The following SRPK1 variants were observed in gnomAD, a reference collection of about 807,000 sequenced individuals.
SRPK1 encodes SRSF protein kinase 1.
A neutral mutation model predicts 89.5 loss-of-function variants in SRPK1; 52 were observed. That is an observed-to-expected ratio of 0.58 (90% CI 0.46 to 0.73). The LOEUF (loss-of-function observed/expected upper bound fraction) is 0.73, where lower values mean the gene tolerates loss of function less well. Among genes scored for constraint, SRPK1 ranks in the 30% least tolerant of loss-of-function variants. SRPK1 has a pLI of 0.00. For missense variants in SRPK1, 603 were observed against 780.6 expected, an observed-to-expected ratio of 0.77 and a Z score of 2.71; for synonymous variants, 255 against 270.2, an observed-to-expected ratio of 0.94 and a Z score of 0.55.
intron 12 of SRPK1, among the ~76,000 whole-genome samples, chr6:35,865,024 T>TC (rs1769864135): frequency 6.6e-6 from 1 of 152,130 alleles, no homozygotes; most frequent in African/African-American, 2.4e-5. Context: ...GAAGGATGGT[T>TC]ACCAGAGGCT....
At chr6:35,900,051 T>C (rs1039660706) in intron 2 of SRPK1, among the ~76,000 whole-genome samples, 7 of 151,672 alleles carry the variant, frequency 4.6e-5, no homozygotes, top group Non-Finnish European at 1.0e-4. Context: ...AAAGATTCCT[T>C]TGGTAAGGTT....
chr6:35,856,466 G>T (rs1769668668), intron 13 of SRPK1, among the ~76,000 whole-genome samples: 1 of 152,186 alleles, frequency 6.6e-6, no homozygotes, highest in African/African-American at 2.4e-5. Flanking sequence ...AGTGTCTGAA[G>T]TGAGGGCAAT....
rs1480825133 is a variant in SRPK1 at position 35,888,840 on chromosome 6, T to C, written c.277A>G (p.Thr93Ala). 4 of 1,611,872 alleles carry C rather than the reference T, an allele frequency of 2.5e-6. No homozygotes were observed. The highest frequency in any genetic ancestry group is 3.4e-6 in the Non-Finnish European group (4 of 1,178,166). ...IRKLGWGHFS[T>A]VWLSWDIQGK... is the part of the protein sequence containing the mutation. ...TGAATATCCCATGATAACCATACTG[T>C]TGAAAAGTGTCCCCAGCCTAACTTT... The change falls in exon 4 of 16, where the codon ACA becomes GCA. Residue 93 changes from threonine to alanine, a missense_variant. By Grantham distance (58) the Thr-to-Ala change is moderately conservative. Coordinates refer to ENST00000373825, the MANE Select transcript of SRPK1 (RefSeq NM_003137.5).
At chr6:35,882,074 T>C (rs1436440989) in intron 6 of SRPK1, among the ~76,000 whole-genome samples, 1 of 148,816 alleles carries the variant, frequency 6.7e-6, no homozygotes, top group African/African-American at 2.5e-5. Context: ...GTAGTAGCAG[T>C]AGTAGTAGTA....
At chr6:35,898,408 T>G (rs1045201670) in intron 2 of SRPK1, among the ~76,000 whole-genome samples, 1 of 152,156 alleles carries the variant, frequency 6.6e-6, no homozygotes, top group African/African-American at 2.4e-5. Context: ...GATAAAAGAC[T>G]AGATATTGCG....
chr6:35,854,906 T>C (rs1769635315), intron 13 of SRPK1, among the ~76,000 whole-genome samples: 1 of 152,140 alleles, frequency 6.6e-6, no homozygotes, highest in Non-Finnish European at 1.5e-5. Flanking sequence ...AAGCAAAGCT[T>C]TAAAGTGTGG....
In SRPK1 at chr6:35,833,508, G is replaced by C. The variant is rs552085915; in HGVS notation, c.*1796C>G. On this transcript the variant is annotated 3_prime_UTR_variant, in exon 16 of 16. Transcript: ENST00000373825. Reference sequence around the variant, plus strand: ...TAAAAACAGCTGAAAACCCAAAGTGGATTAGAATTGCTGAAGGATTTCCCT... The same window carrying C: ...TAAAAACAGCTGAAAACCCAAAGTGCATTAGAATTGCTGAAGGATTTCCCT... 3.3e-5 allele frequency: 5 copies of C among 152,578 alleles called. No individual in the cohort carries two copies. Among genetic ancestry groups the C allele is most frequent in the Non-Finnish European group, 7.4e-5 (5 of 68,020 alleles). The allele number at this position is 152,578 out of a possible 1,614,324, so 9.5% of individuals were successfully genotyped here.
At chr6:35,859,283 A>G (rs1036332739) in intron 12 of SRPK1, among the ~76,000 whole-genome samples, 1 of 152,228 alleles carries the variant, frequency 6.6e-6, no homozygotes, top group African/African-American at 2.4e-5. Flanking sequence ...TATAAAGGTA[A>G]ATACTGTTAA....
chr6:35,873,624 G>A (rs1770085368), intron 7 of SRPK1, among the ~76,000 whole-genome samples: 2 of 151,658 alleles, frequency 1.3e-5, no homozygotes, highest in South Asian at 2.1e-4. Flanking sequence ...CGAGTAGCTG[G>A]GATTATAGGC....
chr6:35,910,925 A>T (rs1770946763), intron 2 of SRPK1, among the ~76,000 whole-genome samples: 1 of 152,214 alleles, frequency 6.6e-6, no homozygotes, highest in South Asian at 2.1e-4. Context: ...ATTCCTTTGA[A>T]AATATTACTG....
At chr6:35,838,192 T>C (rs2151077348) in intron 15 of SRPK1, 145 bp downstream of exon 15, 1 of 618,326 alleles carries the variant, frequency 1.6e-6, no homozygotes, top group East Asian at 3.4e-5. Context: ...GACCACTTTT[T>C]TTACCTCTTT....
chr6:35,872,652 A>G lies in SRPK1; in HGVS notation c.662T>C (p.Leu221Ser). The G allele has an allele frequency of 6.2e-7, 1 of 1,612,686 alleles. No individual in the cohort carries two copies. Among genetic ancestry groups the G allele is most frequent in the Non-Finnish European group, 8.5e-7 (1 of 1,179,354 alleles). The part of the protein sequence containing the change: ...HTDIKPENIL[L>S]SVNEQYIRRL... Reference sequence around the variant, plus strand: ...CCGAATGTACTGCTCATTCACTGACAATAAGATGTTCTCTGGTTTAATGTC... The same window carrying G: ...CCGAATGTACTGCTCATTCACTGACGATAAGATGTTCTCTGGTTTAATGTC... Residue 221 changes from leucine (L) to serine (S), a missense_variant, in exon 8 of 16, where the codon TTG (leucine) becomes TCG (serine). Transcript: ENST00000373825.
At chr6:35,900,468 A>G (rs1770717744) in intron 2 of SRPK1, among the ~76,000 whole-genome samples, 1 of 152,332 alleles carries the variant, frequency 6.6e-6, no homozygotes. Context: ...GTGAGCAAGT[A>G]TAGGGTCCCT....
intron 7 of SRPK1, among the ~76,000 whole-genome samples, 185 bp downstream of exon 7, chr6:35,874,048 T>G (rs1238871262): frequency 7.0e-6 from 1 of 143,500 alleles, no homozygotes; most frequent in African/African-American, 2.6e-5. Context: ...AGGATGGTCT[T>G]GATCTCCTGA....
At chr6:35,849,573 T>A (rs1234533731) in intron 13 of SRPK1, among the ~76,000 whole-genome samples, 1 of 152,210 alleles carries the variant, frequency 6.6e-6, no homozygotes, top group African/African-American at 2.4e-5. Context: ...AATAGCCAAG[T>A]TATGGAATCA....
chr6:35,843,099 GCTGGGACTA>G (rs1769348453), intron 13 of SRPK1, among the ~76,000 whole-genome samples: 2 of 151,720 alleles, frequency 1.3e-5, no homozygotes, highest in Non-Finnish European at 2.9e-5. Flanking sequence ...CTCCCGAGTA[GCTGGGACTA>G]CAGGTGCCCA....
At chr6:35,856,340 C>A (rs116918688) in intron 13 of SRPK1, among the ~76,000 whole-genome samples, 4,966 of 151,814 alleles carry the variant, frequency 0.033, 96 homozygotes, top group Middle Eastern at 0.065. Flanking sequence ...GATTTGTATT[C>A]TTTATAATAA....
Position 35,835,384 on chromosome 6 carries a change from A to G in SRPK1, c.1888T>C (p.Leu630=), listed in dbSNP as rs774107188. Residue 630 remains leucine (L), a synonymous_variant, in exon 16 of 16, where the codon TTA becomes CTA. Coordinates refer to ENST00000373825, the MANE Select transcript of SRPK1 (RefSeq NM_003137.5). ...GGGATCAGCTCCAACATGGGCAGTAAGAAATCTGTGAAGCCAGCTGCCTCT... is the reference window on the plus strand; with the variant it reads ...GGGATCAGCTCCAACATGGGCAGTAGGAAATCTGTGAAGCCAGCTGCCTCT... ...QEEAAGFTDF[L]LPMLELIPEK... 2.2e-5 allele frequency: 35 copies of G among 1,613,764 alleles called. No homozygotes were observed. The highest frequency in any genetic ancestry group is 2.9e-5 in the Non-Finnish European group (34 of 1,179,854).
chr6:35,861,886 T>G (rs886774915), intron 12 of SRPK1, among the ~76,000 whole-genome samples: 1 of 152,164 alleles, frequency 6.6e-6, no homozygotes, highest in African/African-American at 2.4e-5. Flanking sequence ...GGCCAACAGC[T>G]GGCACCATTT....
Sources: gnomAD v4.1 joint callset for allele counts (sites outside exome capture counted in the v4.1 genomes callset) on GRCh38, gnomAD v4.1.1 for gene constraint, MANE v1.5 for transcripts, NCBI Gene and HGNC (gene_info 2026-07-23, HGNC 2026-07-21) for gene names.